BPTF: variants seen among roughly 807,000 people sequenced by gnomAD.
BPTF encodes nucleosome-remodeling factor subunit BPTF.
In BPTF, 18 loss-of-function variants were observed where a neutral mutation model predicts 292.5. That is an observed-to-expected ratio of 0.06 (90% CI 0.04 to 0.09). BPTF has a LOEUF of 0.09. Ranked by LOEUF, BPTF falls within the 10% of genes least tolerant of loss-of-function variation. The pLI, the probability that BPTF is intolerant of heterozygous loss-of-function variation, is 1.00. For synonymous variants in BPTF, 1,225 were observed against 1,251.9 expected (o/e 0.98, Z 0.45); for missense variants, 2,726 against 3,498.7 (o/e 0.78, Z 5.57).
At chr17:67,850,603 G>A (rs145627837) in intron 1 of BPTF, among the ~76,000 whole-genome samples, 1,557 of 152,210 alleles carry the variant, frequency 0.01, 11 homozygotes, top group Non-Finnish European at 0.015. Flanking sequence ...TCCTGACCTC[G>A]TGATCTGCCC....
At chr17:67,939,881 A>G (rs2065230100) in intron 18 of BPTF, among the ~76,000 whole-genome samples, 1 of 152,182 alleles carries the variant, frequency 6.6e-6, no homozygotes, top group Admixed American at 6.5e-5. Flanking sequence ...CTCCGTCTCA[A>G]AAAAAAGAAA....
At chr17:67,893,305 TG>T (rs2061244740) in intron 5 of BPTF, 64 bp from the exon 6 acceptor site, 1 of 967,486 alleles carries the variant, frequency 1.0e-6, no homozygotes, top group Non-Finnish European at 1.6e-6. Flanking sequence ...GAAAGACAGT[TG>T]ATTAGATGAA....
Position 67,964,261 on chromosome 17 carries a change from G to A in BPTF, c.8311G>A (p.Val2771Ile). The A allele has an allele frequency of 1.2e-6, 2 of 1,614,028 alleles. No homozygotes were observed. Among genetic ancestry groups the A allele is most frequent in the Non-Finnish European group, 8.5e-7 (1 of 1,179,978 alleles). ...RCQNWYHGRCVGILQSEAELI... is the reference protein window; with the variant it reads ...RCQNWYHGRCIGILQSEAELI... The stretch of plus-strand genomic sequence containing the variant: ...TCAGAATTGGTACCATGGGCGCTGC[G>A]TTGGCATCTTGCAAAGTGAGGCAGA... Residue 2771 changes from valine to isoleucine, a missense_variant, in exon 25 of 28, where the codon GTT (valine) becomes ATT (isoleucine). Val to Ile is a conservative substitution (Grantham distance 29). Coordinates refer to ENST00000306378, the MANE Select transcript of BPTF (RefSeq NM_182641.4).
intron 24 of BPTF, among the ~76,000 whole-genome samples, chr17:67,961,503 TCAGAGGACCCC>T (rs1555684027): frequency 6.6e-6 from 1 of 152,008 alleles, no homozygotes; most frequent in Non-Finnish European, 1.5e-5. Context: ...ACAAACTATC[TCAGAGGACCCC>T]CACCTGTGGC....
intron 12 of BPTF, among the ~76,000 whole-genome samples, chr17:67,919,112 C>T (rs568615632): frequency 6.6e-6 from 1 of 150,966 alleles, no homozygotes; most frequent in East Asian, 1.9e-4. Flanking sequence ...GCGGAGCTTA[C>T]AGTGAGCTGA....
chr17:67,979,169 C>CAAAAAA (rs11376410), intron 27 of BPTF, among the ~76,000 whole-genome samples: 4 of 72,558 alleles, frequency 5.5e-5, no homozygotes, highest in African/African-American at 3.2e-4. Context: ...GACCCTGTCT[C>CAAAAAA]AAAAAAAAAA....
chr17:67,919,811 G>A (rs920051147), intron 12 of BPTF, among the ~76,000 whole-genome samples: 6 of 152,118 alleles, frequency 3.9e-5, no homozygotes, highest in Admixed American at 2.6e-4. Flanking sequence ...ATTTTGTTTC[G>A]TTTAGGAATT....
intron 1 of BPTF, among the ~76,000 whole-genome samples, chr17:67,831,507 C>T (rs910456362): frequency 2.6e-5 from 4 of 152,262 alleles, no homozygotes; most frequent in East Asian, 1.9e-4. Flanking sequence ...TGCTCACCCA[C>T]GGGCGTGTTT....
At position 67,944,072 on chromosome 17, in the gene BPTF, TA is replaced by T. The variant is rs1306778024; in HGVS notation, c.6478-73del. 5.6e-6 allele frequency: 6 copies of T among 1,075,200 alleles called. No individual in the cohort carries two copies. In the African/African-American group the frequency reaches 6.3e-5, roughly 11 times the overall value. 66.6% of individuals were successfully genotyped at this position (1,075,200 alleles called of 1,614,324 possible). On this transcript the variant is annotated intron_variant, in intron 19 of 27. Coordinates refer to ENST00000306378, the MANE Select transcript of BPTF (RefSeq NM_182641.4). Reference sequence around the variant, plus strand: ...CATTATATTAAAAGATAATTACACATAAAAATGATTTAATAAAAATGATATA... The same window carrying T: ...CATTATATTAAAAGATAATTACACATAAAATGATTTAATAAAAATGATATA...
chr17:67,920,475 C>T (rs1009445692), intron 13 of BPTF, among the ~76,000 whole-genome samples: 6 of 152,078 alleles, frequency 3.9e-5, no homozygotes, highest in African/African-American at 1.4e-4. Flanking sequence ...CAGCTAGTAC[C>T]GAGTCTGATA....
chr17:67,893,074 A>T (rs2061229231), intron 5 of BPTF: 1 of 339,350 alleles, frequency 2.9e-6, no homozygotes, highest in Non-Finnish European at 5.4e-6. Context: ...ATTTATATGT[A>T]TGGTTTCATG....
At chr17:67,842,128 C>T (rs2057601162) in intron 1 of BPTF, among the ~76,000 whole-genome samples, 1 of 151,998 alleles carries the variant, frequency 6.6e-6, no homozygotes, top group Non-Finnish European at 1.5e-5. Flanking sequence ...GTGTATATAT[C>T]TTTATACACT....
At chr17:67,964,959 A>G (rs1482720963) in intron 25 of BPTF, 1 of 128,976 alleles carries the variant, frequency 7.8e-6, no homozygotes, top group Non-Finnish European at 1.5e-5. Flanking sequence ...AGATGGCGCC[A>G]CTGCACTCCA....
At chr17:67,965,304 C>A (rs1355284674) in intron 25 of BPTF, 1 of 151,376 alleles carries the variant, frequency 6.6e-6, no homozygotes, top group African/African-American at 2.4e-5. Flanking sequence ...GATCGAGCCA[C>A]GGCACTCTAG....
At chr17:67,882,343 G>C (rs2060477347) in intron 4 of BPTF, among the ~76,000 whole-genome samples, 1 of 152,092 alleles carries the variant, frequency 6.6e-6, no homozygotes, top group Admixed American at 6.5e-5. Context: ...TGTTATGAAA[G>C]ACATATTTTT....
At chr17:67,946,417 A>G (rs144428920) in intron 21 of BPTF, 92 bp downstream of exon 21, 2 of 1,503,914 alleles carry the variant, frequency 1.3e-6, no homozygotes, top group Non-Finnish European at 1.8e-6. Flanking sequence ...GGTTTCCTAA[A>G]TGAGACAAAG....
intron 1 of BPTF, among the ~76,000 whole-genome samples, chr17:67,833,516 C>T (rs2056894130): frequency 6.6e-6 from 1 of 151,626 alleles, no homozygotes; most frequent in African/African-American, 2.4e-5. Context: ...TTTCATTTCT[C>T]TTGGGTATAT....
At chr17:67,875,769 C>T in intron 4 of BPTF, 1 of 1,498,568 alleles carries the variant, frequency 6.7e-7, no homozygotes, top group Non-Finnish European at 8.9e-7. Context: ...GTATCAATGC[C>T]TCTGTAATGG....
intron 4 of BPTF, chr17:67,875,883 T>G: frequency 1.5e-6 from 1 of 648,570 alleles, no homozygotes; most frequent in South Asian, 7.2e-5. Flanking sequence ...ATTTGCTAAA[T>G]TGTCACCTAA....
Sources: gnomAD v4.1 joint callset for allele counts (sites outside exome capture counted in the v4.1 genomes callset) on GRCh38, gnomAD v4.1.1 for gene constraint, MANE v1.5 for transcripts, NCBI Gene and HGNC (gene_info 2026-07-23, HGNC 2026-07-21) for gene names.